The following BASP1 variants were observed in gnomAD, a reference collection of about 807,000 sequenced individuals.
The protein encoded by BASP1 is brain acid soluble protein 1.
BASP1 carries 1 observed loss-of-function variant against 2.2 expected under a neutral mutation model. The ratio of observed to expected loss-of-function variants is 0.46; its 90% CI spans 0.16 to 2.17. The LOEUF (loss-of-function observed/expected upper bound fraction) is 2.17, where lower values mean the gene tolerates loss of function less well. BASP1 is among the 30% of genes most tolerant of loss of function. BASP1 has a pLI of 0.27. For synonymous variants in BASP1, 187 were observed against 154.2 expected (o/e 1.21, Z -1.58); for missense variants, 352 against 327.2 (o/e 1.08, Z -0.58).
At chr5:17,231,997 A>G (rs1214880893) in intron 1 of BASP1, among the ~76,000 whole-genome samples, 1 of 152,200 alleles carries the variant, frequency 6.6e-6, no homozygotes, top group Non-Finnish European at 1.5e-5. Flanking sequence ...TGTGCTTACT[A>G]TGAAGATGAA....
chr5:17,274,370 T>A lies in BASP1; in HGVS notation c.-9-838T>A, dbSNP rs908982715. Among the ~76,000 whole-genome samples, 17 of 152,328 alleles carry A rather than the reference T, an allele frequency of 1.1e-4. No individual in the cohort carries two copies. The East Asian group carries it at 3.3e-3, about 29-fold the overall frequency. On this transcript the variant is annotated intron_variant, in intron 1 of 1. Transcript: ENST00000322611. ...ACTGAATCCTGTTTACCTTACGTGT[T>A]TGAAGATGTGTTTGCTGATATAACA...
chr5:17,221,291 C>T (rs1561162597), intron 1 of BASP1, among the ~76,000 whole-genome samples: 1 of 151,566 alleles, frequency 6.6e-6, no homozygotes, highest in Non-Finnish European at 1.5e-5. Flanking sequence ...ACTTTACAAG[C>T]TGGAATAAAC....
intron 1 of BASP1, among the ~76,000 whole-genome samples, chr5:17,263,817 A>C (rs1740367303): frequency 1.3e-5 from 2 of 152,194 alleles, no homozygotes; most frequent in South Asian, 4.1e-4. Flanking sequence ...ATTGTCTCGA[A>C]TGTTTTCTCT....
intron 1 of BASP1, among the ~76,000 whole-genome samples, chr5:17,272,775 C>T (rs11133895): frequency 0.012 from 1,887 of 152,202 alleles, 42 homozygotes; most frequent in African/African-American, 0.043. Flanking sequence ...TGTTCATTTT[C>T]GACCCAGAAA....
At chr5:17,255,459 A>T (rs1740189517) in intron 1 of BASP1, among the ~76,000 whole-genome samples, 1 of 152,006 alleles carries the variant, frequency 6.6e-6, no homozygotes, top group South Asian at 2.1e-4. Flanking sequence ...CCAAGCTTTT[A>T]TTCTGTATTT....
chr5:17,255,616 A>ACCAC (rs1223606298), intron 1 of BASP1, among the ~76,000 whole-genome samples: 1 of 152,160 alleles, frequency 6.6e-6, no homozygotes, highest in African/African-American at 2.4e-5. Context: ...ACCACTCTTG[A>ACCAC]CGGTGTTACA....
At chr5:17,229,826 C>T (rs1739592795) in intron 1 of BASP1, among the ~76,000 whole-genome samples, 1 of 147,958 alleles carries the variant, frequency 6.8e-6, no homozygotes, top group Non-Finnish European at 1.5e-5. Flanking sequence ...CTCTGTCACC[C>T]AGGCTGGAGT....
At chr5:17,224,948 A>G (rs1316754560) in intron 1 of BASP1, among the ~76,000 whole-genome samples, 1 of 152,252 alleles carries the variant, frequency 6.6e-6, no homozygotes, top group African/African-American at 2.4e-5. Flanking sequence ...ATCCACTTAC[A>G]GAAAGCCAGT....
At position 17,276,256 on chromosome 5, in the gene BASP1, C is replaced by T. The variant is rs1215523296; in HGVS notation, c.*356C>T. On this transcript the variant is annotated 3_prime_UTR_variant, in exon 2 of 2. Transcript: ENST00000322611. The stretch of plus-strand genomic sequence containing the variant: ...ACCTGAAACTGCCGCCACATGCACT[C>T]CTCCACCGCTGAGAGTTGAATAGCT... 1.6e-5 allele frequency: 3 copies of T among 193,116 alleles called. No homozygotes were observed. The highest frequency in any genetic ancestry group is 7.0e-5 in the African/African-American group (3 of 42,584). 12.0% of individuals were successfully genotyped at this position (193,116 alleles called of 1,614,324 possible).
At chr5:17,247,245 T>C (rs1740011766) in intron 1 of BASP1, among the ~76,000 whole-genome samples, 1 of 152,218 alleles carries the variant, frequency 6.6e-6, no homozygotes, top group African/African-American at 2.4e-5. Flanking sequence ...AAGCAAGGTT[T>C]GTCTTTTAAA....
chr5:17,236,020 A>G lies in BASP1; in HGVS notation c.-10+18210A>G, dbSNP rs532583583. 9.3e-4 allele frequency among the ~76,000 whole-genome samples: 141 copies of G among 152,232 alleles called. 1 individual carries two copies. Among genetic ancestry groups the G allele is most frequent in the Non-Finnish European group, 1.2e-3 (83 of 68,012 alleles). On this transcript the variant is annotated intron_variant, in intron 1 of 1. Transcript: ENST00000322611. This position sits in a 1 kb window ranked among gnomAD's most constrained non-coding sequence, Gnocchi z 4.0. ...AACACCAGTTTGCAAACTTTCTTAA[A>G]ACATGAGACTTTTTTTTTTCTTTTT...
At chr5:17,224,901 A>C (rs1189296383) in intron 1 of BASP1, among the ~76,000 whole-genome samples, 3 of 152,262 alleles carry the variant, frequency 2.0e-5, no homozygotes, top group Non-Finnish European at 2.9e-5. Flanking sequence ...AGTCCTGCCT[A>C]AATTGGTCAA....
intron 1 of BASP1, among the ~76,000 whole-genome samples, chr5:17,273,988 A>G (rs77606577): frequency 0.015 from 2,337 of 152,288 alleles, 70 homozygotes; most frequent in African/African-American, 0.053. Context: ...AAAATGCACC[A>G]AGAGTCTGTT....
intron 1 of BASP1, among the ~76,000 whole-genome samples, chr5:17,237,363 A>G (rs1488919729): frequency 2.6e-5 from 4 of 152,180 alleles, no homozygotes; most frequent in African/African-American, 9.6e-5. Context: ...CAAAACAAAA[A>G]AAAGAAAGAA....
At chr5:17,246,976 C>T (rs894665476) in intron 1 of BASP1, among the ~76,000 whole-genome samples, 1 of 152,116 alleles carries the variant, frequency 6.6e-6, no homozygotes, top group Non-Finnish European at 1.5e-5. Flanking sequence ...TGCCTGAGTA[C>T]AGAAGTTGAA....
intron 1 of BASP1, among the ~76,000 whole-genome samples, chr5:17,231,360 T>G (rs964875600): frequency 2.0e-5 from 3 of 152,166 alleles, no homozygotes; most frequent in African/African-American, 7.2e-5. Context: ...GCCATTAATC[T>G]AGTGGAAGCT....
chr5:17,272,151 G>T (rs1740542430), intron 1 of BASP1, among the ~76,000 whole-genome samples: 1 of 151,758 alleles, frequency 6.6e-6, no homozygotes, highest in African/African-American at 2.4e-5. Flanking sequence ...TTGGTAAAAA[G>T]CTTCTCTGGC....
intron 1 of BASP1, among the ~76,000 whole-genome samples, chr5:17,261,204 A>T (rs946615937): frequency 1.3e-5 from 2 of 152,246 alleles, no homozygotes; most frequent in Non-Finnish European, 2.9e-5. Flanking sequence ...ACACATGTGG[A>T]TGCTGACTGT....
intron 1 of BASP1, among the ~76,000 whole-genome samples, chr5:17,225,312 C>T (rs1001431206): frequency 2.0e-5 from 3 of 151,812 alleles, no homozygotes; most frequent in Non-Finnish European, 2.9e-5. Flanking sequence ...GTCTCATGAT[C>T]TCCCCCAGAG....
Sources: allele counts gnomAD v4.1 joint callset (sites outside exome capture counted in the v4.1 genomes callset), GRCh38; gene constraint gnomAD v4.1.1; non-coding constraint Gnocchi (gnomAD v3.1); transcripts MANE v1.5; gene names NCBI Gene and HGNC (gene_info 2026-07-23, HGNC 2026-07-21).